Variants in FAM107A observed in about 807,000 individuals in gnomAD.
FAM107A encodes the protein family with sequence similarity 107 member A.
A neutral mutation model predicts 13.7 loss-of-function variants in FAM107A; 19 were observed. That is an observed-to-expected ratio of 1.38 (90% CI 0.97 to 2.03). FAM107A has a LOEUF of 2.03. Ranked by LOEUF, FAM107A falls within the 30% of genes most tolerant of loss-of-function variation. FAM107A has a pLI of 0.00. For synonymous variants in FAM107A, 82 were observed against 74.5 expected (o/e 1.10, Z -0.52); for missense variants, 203 against 184.4 (o/e 1.10, Z -0.58).
intron 1 of FAM107A, among the ~76,000 whole-genome samples, chr3:58,623,828 C>T (rs1040087524): frequency 5.9e-5 from 9 of 152,194 alleles, no homozygotes; most frequent in Non-Finnish European, 1.0e-4. Flanking sequence ...ACTAAATGAG[C>T]GAATTGGTGC....
intron 1 of FAM107A, among the ~76,000 whole-genome samples, chr3:58,610,236 G>A (rs1575454913): frequency 6.6e-6 from 1 of 152,144 alleles, no homozygotes; most frequent in African/African-American, 2.4e-5. Context: ...ACTAAATGGG[G>A]GTTGCCTTTC....
chr3:58,578,305 T>C (rs2063746817), upstream of FAM107A, among the ~76,000 whole-genome samples: 1 of 152,178 alleles, frequency 6.6e-6, no homozygotes, highest in Non-Finnish European at 1.5e-5. Context: ...TGGTAGCTCA[T>C]GCCTGTAATC....
At chr3:58,608,371 T>G (rs1231267998) in intron 1 of FAM107A, among the ~76,000 whole-genome samples, 1 of 152,222 alleles carries the variant, frequency 6.6e-6, no homozygotes, top group Non-Finnish European at 1.5e-5. Context: ...AATGGGCTTG[T>G]CTAAGGTCAC....
intron 3 of FAM107A, 183 bp from the exon 4 acceptor site, chr3:58,566,878 T>G (rs1475130500): frequency 6.5e-6 from 4 of 614,048 alleles, no homozygotes; most frequent in Non-Finnish European, 1.2e-5. Flanking sequence ...TTGTGCAGCC[T>G]GGTTCAAATC....
At position 58,613,669 on chromosome 3, in the gene FAM107A, C is replaced by A. The variant is rs142152436; in HGVS notation, c.-70+13747G>T. On this transcript the variant is annotated intron_variant, in intron 1 of 3. Transcript: ENST00000465970. The surrounding 1 kb of genome is among the most constrained non-coding windows in gnomAD (Gnocchi z 4.6). ...TTAGATGGCACCTCCTCCAGGAAGC[C>A]TTCCCTGATATTCCCCTCCCTAGGA... Among the ~76,000 whole-genome samples the A allele has an allele frequency of 2.6e-5, 4 of 152,286 alleles. No homozygotes were observed. The highest frequency in any genetic ancestry group is 2.6e-4 in the Admixed American group (4 of 15,308).
At chr3:58,567,826 G>T (rs1323374451) in intron 2 of FAM107A, among the ~76,000 whole-genome samples, 1 of 152,140 alleles carries the variant, frequency 6.6e-6, no homozygotes, top group East Asian at 1.9e-4. Flanking sequence ...TTGAGAATCT[G>T]GTAGGCCAGA....
At chr3:58,570,595 G>C (rs1408661158) in intron 1 of FAM107A, among the ~76,000 whole-genome samples, 3 of 41,328 alleles carry the variant, frequency 7.3e-5, no homozygotes, top group African/African-American at 4.7e-4. Flanking sequence ...GAGAGAGAGA[G>C]AGAGAGAGAG....
At chr3:58,608,696 G>A (rs2065823273) in intron 1 of FAM107A, among the ~76,000 whole-genome samples, 1 of 152,196 alleles carries the variant, frequency 6.6e-6, no homozygotes, top group Non-Finnish European at 1.5e-5. Context: ...GACCCCCTTG[G>A]AGGTGGCATG....
At chr3:58,599,091 A>G (rs760096673) in intron 1 of FAM107A, among the ~76,000 whole-genome samples, 21 of 151,742 alleles carry the variant, frequency 1.4e-4, no homozygotes, top group Non-Finnish European at 2.4e-4. Flanking sequence ...ACAGGCATGT[A>G]CCACCATGCC....
chr3:58,588,898 C>T (rs1006738820), upstream of FAM107A, among the ~76,000 whole-genome samples: 8 of 152,154 alleles, frequency 5.3e-5, no homozygotes, highest in Non-Finnish European at 1.2e-4. Context: ...GATCCACCTG[C>T]CTCAGCCTCT....
intron 3 of FAM107A, 169 bp downstream of exon 3, chr3:58,567,039 A>G: frequency 1.3e-6 from 1 of 794,658 alleles, no homozygotes. Context: ...CGCCCTAAGG[A>G]CCTAGCAAAG....
At chr3:58,626,862 G>A (rs761338536) in intron 1 of FAM107A, 27 of 1,046,086 alleles carry the variant, frequency 2.6e-5, no homozygotes, top group Non-Finnish European at 3.7e-5. Context: ...GAGGGCTGGT[G>A]GGCACTGCCG....
chr3:58,620,804 T>C (rs2065947722), intron 1 of FAM107A, among the ~76,000 whole-genome samples: 1 of 152,178 alleles, frequency 6.6e-6, no homozygotes, highest in Non-Finnish European at 1.5e-5. Context: ...TGAACCCAGC[T>C]TGGGGAAGGC....
upstream of FAM107A, chr3:58,577,412 G>A: frequency 5.1e-6 from 5 of 985,350 alleles, no homozygotes; most frequent in African/African-American, 1.7e-5. This position sits in a 1 kb window ranked among gnomAD's most constrained non-coding sequence, Gnocchi z 4.9. Flanking sequence ...TCTAGAGGGC[G>A]GTTCTTAAAC....
intron 1 of FAM107A, among the ~76,000 whole-genome samples, chr3:58,572,442 T>G (rs2063693703): frequency 6.6e-6 from 1 of 152,128 alleles, no homozygotes; most frequent in Non-Finnish European, 1.5e-5. Flanking sequence ...CAGTTGAGAA[T>G]GAGGAAGGAG....
At chr3:58,624,583 A>G (rs969399158) in intron 1 of FAM107A, among the ~76,000 whole-genome samples, 5 of 152,240 alleles carry the variant, frequency 3.3e-5, no homozygotes, top group African/African-American at 1.2e-4. Flanking sequence ...ATTGGGAGAC[A>G]GATCTGTGGC....
chr3:58,581,059 G>A (rs1030832680), upstream of FAM107A, among the ~76,000 whole-genome samples: 8 of 152,318 alleles, frequency 5.3e-5, no homozygotes, highest in South Asian at 2.1e-4. Context: ...AGCCACAGTC[G>A]CTGTCTCCTG....
chr3:58,596,957 C>A, intron 1 of FAM107A, among the ~76,000 whole-genome samples: 1 of 152,288 alleles, frequency 6.6e-6, no homozygotes, highest in East Asian at 1.9e-4. Context: ...AAAATGTGCT[C>A]ATTTTGGCCT....
chr3:58,585,188 G>T (rs1010978652), intron 1 of FAM107A, among the ~76,000 whole-genome samples: 1 of 152,228 alleles, frequency 6.6e-6, no homozygotes, highest in Non-Finnish European at 1.5e-5. Flanking sequence ...TGATAGCTAA[G>T]AGGTGAGGGG....
Sources: gnomAD v4.1 joint callset for allele counts (sites outside exome capture counted in the v4.1 genomes callset) on GRCh38, gnomAD v4.1.1 for gene constraint, Gnocchi (gnomAD v3.1) non-coding constraint, MANE v1.5 for transcripts, NCBI Gene and HGNC (gene_info 2026-07-23, HGNC 2026-07-21) for gene names.